MCMBP: variants seen among roughly 807,000 people sequenced by gnomAD.
MCMBP encodes the protein minichromosome maintenance complex binding protein.
In MCMBP, 31 loss-of-function variants were observed where a neutral mutation model predicts 81.3. The ratio of observed to expected loss-of-function variants is 0.38; its 90% CI spans 0.29 to 0.51. The LOEUF is 0.51. MCMBP is among the 20% of genes least tolerant of loss of function. MCMBP has a pLI of 0.87. For missense variants in MCMBP, 645 were observed against 772.1 expected, an observed-to-expected ratio of 0.84 and a Z score of 1.95; for synonymous variants, 267 against 275.9, an observed-to-expected ratio of 0.97 and a Z score of 0.32.
intron 7 of MCMBP, 26 bp from the exon 8 acceptor site, chr10:119,847,739 ACT>A (rs779761178): frequency 1.4e-5 from 19 of 1,344,704 alleles, no homozygotes; most frequent in East Asian, 4.6e-5. Context: ...ATGAAATCAC[ACT>A]GTTAGAACAG....
Position 119,857,353 on chromosome 10 carries a change from A to G in MCMBP, c.414T>C (p.Ser138=). Residue 138 remains serine, a synonymous_variant, in exon 5 of 16, where the codon TCT becomes TCC. Coordinates refer to ENST00000369077, the MANE Select transcript of MCMBP (RefSeq NM_001256378.2). ...TFYCVPVPGE[S]TWVKEAYVNA... ...TAAAGGATATTTCTTTTACCCACGT[A>G]GATTCCCCAGGCACCGGAACACAAT... 1 of 1,609,170 alleles carries G rather than the reference A, an allele frequency of 6.2e-7. No individual in the cohort carries two copies. The highest frequency in any genetic ancestry group is 8.5e-7 in the Non-Finnish European group (1 of 1,176,408).
chr10:119,862,723 G>A (rs1394352825), intron 1 of MCMBP, among the ~76,000 whole-genome samples: 1 of 152,172 alleles, frequency 6.6e-6, no homozygotes, highest in South Asian at 2.1e-4. Context: ...ACACAGTTGA[G>A]TACATGGTAA....
intron 1 of MCMBP, among the ~76,000 whole-genome samples, chr10:119,870,450 A>C (rs1853633116): frequency 6.6e-6 from 1 of 152,176 alleles, no homozygotes; most frequent in Non-Finnish European, 1.5e-5. Flanking sequence ...GTCTCAAAAA[A>C]AAAAAATGCA....
chr10:119,848,186 T>C (rs568156795), intron 7 of MCMBP, among the ~76,000 whole-genome samples: 52 of 151,918 alleles, frequency 3.4e-4, no homozygotes, highest in African/African-American at 1.1e-3. Context: ...AAAAAACCTT[T>C]CAAAATTGTC....
chr10:119,865,539 T>C (rs1385573402), intron 1 of MCMBP, among the ~76,000 whole-genome samples: 1 of 152,106 alleles, frequency 6.6e-6, no homozygotes, highest in Non-Finnish European at 1.5e-5. Context: ...GTGCAGCCAC[T>C]GTGGAAAAGT....
Position 119,829,854 on chromosome 10 carries a change from C to T in MCMBP, c.*1620G>A, listed in dbSNP as rs140254464. On this transcript the variant is annotated 3_prime_UTR_variant, in exon 16 of 16. Coordinates refer to ENST00000369077, the MANE Select transcript of MCMBP (RefSeq NM_001256378.2). ...TTTCAAGGGAACTTTTCTGCAAGAC[C>T]AAGCAATGTATGTATTTTTCTTTGG... The T allele has an allele frequency of 6.6e-6, 1 of 152,322 alleles. No homozygotes were observed. Among genetic ancestry groups the T allele is most frequent in the African/African-American group, 2.4e-5 (1 of 41,552 alleles). 9.4% of individuals were successfully genotyped at this position (152,322 alleles called of 1,614,324 possible).
In MCMBP at chr10:119,840,614, A is replaced by G. The variant is rs144158635; in HGVS notation, c.1242+229T>C. 8.5e-5 allele frequency among the ~76,000 whole-genome samples: 13 copies of G among 152,372 alleles called. No individual in the cohort carries two copies. In the East Asian group the frequency reaches 2.5e-3, roughly 29 times the overall value. ...AGAGTGTAATTTTAAGGGAGTTACTACAATTGTTTTGTTAGACTTACAGAA... is the reference window on the plus strand; with the variant it reads ...AGAGTGTAATTTTAAGGGAGTTACTGCAATTGTTTTGTTAGACTTACAGAA... On this transcript the variant is annotated intron_variant, in intron 11 of 15. Coordinates refer to ENST00000369077, the MANE Select transcript of MCMBP (RefSeq NM_001256378.2).
chr10:119,855,983 G>A (rs1260054483), intron 5 of MCMBP, among the ~76,000 whole-genome samples: 1 of 152,164 alleles, frequency 6.6e-6, no homozygotes, highest in Non-Finnish European at 1.5e-5. Flanking sequence ...CCAGCACTTT[G>A]AGAGGCCGAG....
At chr10:119,852,740 A>G (rs1157946235) in intron 6 of MCMBP, among the ~76,000 whole-genome samples, 2 of 152,258 alleles carry the variant, frequency 1.3e-5, no homozygotes, top group Non-Finnish European at 2.9e-5. Flanking sequence ...AGATAAAAAT[A>G]ACTCATTTTT....
In MCMBP at chr10:119,852,927, T is replaced by C. The variant is rs141357251; in HGVS notation, c.574+123A>G. On this transcript the variant is annotated intron_variant, in intron 6 of 15. Transcript: ENST00000369077. The stretch of plus-strand genomic sequence containing the variant: ...CAGAGTACTGTAAAAACTCTCAACA[T>C]GTCTGTAACTCTGATAAATTGCCAG... The C allele has an allele frequency of 2.1e-4, 247 of 1,193,526 alleles. 1 individual carries two copies. In the African/African-American group the frequency reaches 3.5e-3, roughly 17 times the overall value. 73.9% of individuals were successfully genotyped at this position (1,193,526 alleles called of 1,614,324 possible).
Position 119,872,688 on chromosome 10 carries a change from C to T in MCMBP, c.-104G>A. ...CTCCTCTTCAGCGGCTCGGCCGCTC[C>T]TCGCCCGCGTTCGCTCGCGCCCTCC... On this transcript the variant is annotated 5_prime_UTR_variant, in exon 1 of 16. Coordinates refer to ENST00000369077, the MANE Select transcript of MCMBP (RefSeq NM_001256378.2). 3 of 507,546 alleles carry T rather than the reference C, an allele frequency of 5.9e-6. No individual in the cohort carries two copies. Among genetic ancestry groups the T allele is most frequent in the Non-Finnish European group, 8.1e-6 (3 of 368,820 alleles). The allele number at this position is 507,546 out of a possible 1,614,324, so 31.4% of individuals were successfully genotyped here. A position where few individuals can be genotyped will look rare whatever the true frequency, so the allele number is the denominator to read the frequency against.
At position 119,843,351 on chromosome 10, in the gene MCMBP, A is replaced by G. The variant is rs774325860; in HGVS notation, c.903T>C (p.Ala301=). 1.2e-6 allele frequency: 2 copies of G among 1,614,100 alleles called. No homozygotes were observed. The highest frequency in any genetic ancestry group is 1.7e-6 in the Non-Finnish European group (2 of 1,179,958). Residue 301 remains alanine (A), a synonymous_variant, in exon 9 of 16, where the codon GCT becomes GCC. Coordinates refer to ENST00000369077, the MANE Select transcript of MCMBP (RefSeq NM_001256378.2). ...AEEQRVHSPP[A]SLVPRIHVIL... ...TCACATGAATTCTCGGCACTAATGA[A>G]GCAGGAGGACTGTGTACTCTCTGCT...
chr10:119,855,517 AAAC>A (rs1245737092), intron 5 of MCMBP, among the ~76,000 whole-genome samples: 4 of 152,122 alleles, frequency 2.6e-5, no homozygotes, highest in Non-Finnish European at 1.5e-5. Flanking sequence ...CAAAAATACA[AAAC>A]AATTAGCCGG....
chr10:119,833,215 G>A (rs1852109879), intron 14 of MCMBP, among the ~76,000 whole-genome samples: 1 of 152,196 alleles, frequency 6.6e-6, no homozygotes. Flanking sequence ...CAAAGATACA[G>A]ACTTTATAGA....
At chr10:119,873,237 CCTTT>C (rs1052138912), upstream of MCMBP, among the ~76,000 whole-genome samples, 53 of 152,332 alleles carry the variant, frequency 3.5e-4, no homozygotes, top group African/African-American at 1.3e-3. Flanking sequence ...CCTCTTCGTG[CCTTT>C]TTTTTCTTTT....
At chr10:119,866,806 A>G (rs974418022) in intron 1 of MCMBP, among the ~76,000 whole-genome samples, 1 of 152,030 alleles carries the variant, frequency 6.6e-6, no homozygotes, top group African/African-American at 2.4e-5. Context: ...CTACGAAAAT[A>G]CAAAAAGTTA....
chr10:119,843,380 C>T lies in MCMBP; in HGVS notation c.874G>A (p.Glu292Lys), dbSNP rs1219466909. 6.2e-7 allele frequency: 1 copy of T among 1,614,062 alleles called. No homozygotes were observed. Among genetic ancestry groups the T allele is most frequent in the Admixed American group, 1.7e-5 (1 of 60,030 alleles). Residue 292 changes from glutamate to lysine, a missense_variant, in exon 9 of 16, where the codon GAG (glutamate) becomes AAG (lysine). Coordinates refer to ENST00000369077, the MANE Select transcript of MCMBP (RefSeq NM_001256378.2). ...LDPMECTDTA[E>K]EQRVHSPPAS... ...GGAGGACTGTGTACTCTCTGCTCCT[C>T]TGCTGTGTCTGTGCACTCCATCGGA...
At chr10:119,860,260 G>A (rs1853205754) in intron 1 of MCMBP, among the ~76,000 whole-genome samples, 1 of 152,044 alleles carries the variant, frequency 6.6e-6, no homozygotes, top group South Asian at 2.1e-4. Context: ...TTTTTATGTA[G>A]TTTTTTTATC....
intron 5 of MCMBP, among the ~76,000 whole-genome samples, chr10:119,856,914 A>G (rs922740955): frequency 3.3e-5 from 5 of 151,886 alleles, no homozygotes; most frequent in African/African-American, 1.2e-4. Context: ...CAGCTTGGGC[A>G]ACAAAGTGAA....
Sources: allele counts gnomAD v4.1 joint callset (sites outside exome capture counted in the v4.1 genomes callset), GRCh38; gene constraint gnomAD v4.1.1; transcripts MANE v1.5; gene names NCBI Gene and HGNC (gene_info 2026-07-23, HGNC 2026-07-21).